NBPF15: variants seen among roughly 807,000 people sequenced by gnomAD.
NBPF15 encodes the protein NBPF member 15.
In NBPF15, 74 loss-of-function variants were observed where a neutral mutation model predicts 62.2. The observed-to-expected ratio is 1.19, with a 90% CI of 0.99 to 1.44. NBPF15 has a LOEUF of 1.44. NBPF15 is among the 40% of genes most tolerant of loss of function. The pLI, the probability that NBPF15 is intolerant of heterozygous loss-of-function variation, is 0.00. For missense variants in NBPF15, 790 were observed against 550.0 expected (o/e 1.44, Z -4.36); for synonymous variants, 244 against 209.7 (o/e 1.16, Z -1.41).
At chr1:144,424,416 T>A (rs1328669702) in intron 20 of NBPF15, among the ~76,000 whole-genome samples, 6 of 151,888 alleles carry the variant, frequency 4.0e-5, no homozygotes, top group Non-Finnish European at 8.8e-5. Flanking sequence ...CATAGTTCTC[T>A]GAATTTGTCA....
chr1:144,426,145 A>G, intron 18 of NBPF15, 133 bp downstream of exon 18: 2 of 655,674 alleles, frequency 3.1e-6, no homozygotes, highest in South Asian at 1.6e-5. Context: ...TTTCATTACA[A>G]CCTTTATGCG....
At chr1:144,458,928 C>T (rs1300321676) in intron 3 of NBPF15, among the ~76,000 whole-genome samples, 1 of 151,502 alleles carries the variant, frequency 6.6e-6, no homozygotes, top group Non-Finnish European at 1.5e-5. Flanking sequence ...ATAGTCGCAG[C>T]TACTCAGGAG....
intron 3 of NBPF15, among the ~76,000 whole-genome samples, chr1:144,458,512 C>A (rs1649892554): frequency 1.3e-5 from 2 of 150,472 alleles, no homozygotes; most frequent in East Asian, 3.9e-4. Flanking sequence ...CTGCTCTATG[C>A]ACTTATTTTT....
In NBPF15 at chr1:144,453,703, G is replaced by A. The variant is rs587716123; in HGVS notation, c.-431-2833C>T. ...ACCTCATTAATAAGATATACAGATG[G>A]CAAATAAGCATATGAGAAAGATGCT... is the stretch of plus-strand genomic sequence containing the variant. On this transcript the variant is annotated intron_variant, in intron 4 of 21. Transcript: ENST00000581897. Among the ~76,000 whole-genome samples the A allele has an allele frequency of 6.2e-3, 885 of 143,858 alleles. 9 individuals carry two copies. The highest frequency in any genetic ancestry group is 9.9e-3 in the Non-Finnish European group (655 of 66,084). The allele number at this position is 143,858 out of a possible 152,430, so 94.4% of individuals were successfully genotyped here. A position where few individuals can be genotyped will look rare whatever the true frequency, so the allele number is the denominator to read the frequency against.
At chr1:144,452,615 A>T (rs1204820878) in intron 4 of NBPF15, among the ~76,000 whole-genome samples, 1 of 150,948 alleles carries the variant, frequency 6.6e-6, no homozygotes, top group South Asian at 2.1e-4. Flanking sequence ...ATCAACTTAC[A>T]TCATTGAGTT....
In NBPF15 at chr1:144,423,028, G is replaced by A. The variant is rs374767169; in HGVS notation, c.1998C>T (p.Val666=). ...TAAGAGCTGCTTATTGTGGGAATAT[G>A]ACTCCCATCTGGAACACCAGGTGGA... ...TSLHLVFQMG[V]IFPQ is the part of the protein sequence containing the mutation. The change falls in exon 22 of 22, where the codon GTC becomes GTT. Residue 666 remains valine, a synonymous_variant. Coordinates refer to ENST00000581897, the MANE Select transcript of NBPF15 (RefSeq NM_001385408.1). 1 of 1,611,498 alleles carries A rather than the reference G, an allele frequency of 6.2e-7. No homozygotes were observed. The highest frequency in any genetic ancestry group is 1.3e-5 in the African/African-American group (1 of 74,786).
At chr1:144,457,354 C>T (rs1397167422) in intron 3 of NBPF15, among the ~76,000 whole-genome samples, 5 of 151,958 alleles carry the variant, frequency 3.3e-5, no homozygotes, top group Admixed American at 2.6e-4. Flanking sequence ...ATTCTACAGG[C>T]TGTCTCGCTG....
chr1:144,439,571 A>G lies in NBPF15; in HGVS notation c.175+258T>C, dbSNP rs1163540542. Reference sequence around the variant, plus strand: ...TTGAGCCTCTTGGAGAAAACAGGTCATTCTGTGCCTGTGTCAGAAATCAAT... The same window carrying G: ...TTGAGCCTCTTGGAGAAAACAGGTCGTTCTGTGCCTGTGTCAGAAATCAAT... On this transcript the variant is annotated intron_variant, in intron 8 of 21. Coordinates refer to ENST00000581897, the MANE Select transcript of NBPF15 (RefSeq NM_001385408.1). Among the ~76,000 whole-genome samples, 88 of 152,252 alleles carry G rather than the reference A, an allele frequency of 5.8e-4. 1 individual carries two copies. The highest frequency in any genetic ancestry group is 2.0e-3 in the African/African-American group (84 of 41,550).
intron 4 of NBPF15, among the ~76,000 whole-genome samples, chr1:144,454,395 T>C (rs1458308214): frequency 3.9e-5 from 4 of 102,452 alleles, no homozygotes; most frequent in Middle Eastern, 4.0e-3. Context: ...GATGTATCAA[T>C]AGTGGTTCAT....
rs587745565 is a variant in NBPF15 at position 144,451,049 on chromosome 1, G to A, written c.-431-179C>T. ...ATATGGAGGACCCATGCCAGCACTGGCCTCTGAGTTCCCTTAGTATTTATT... is the reference window on the plus strand; with the variant it reads ...ATATGGAGGACCCATGCCAGCACTGACCTCTGAGTTCCCTTAGTATTTATT... On this transcript the variant is annotated intron_variant, in intron 4 of 21. Coordinates refer to ENST00000581897, the MANE Select transcript of NBPF15 (RefSeq NM_001385408.1). Among the ~76,000 whole-genome samples, 31 of 152,160 alleles carry A rather than the reference G, an allele frequency of 2.0e-4. 1 individual carries two copies. The Middle Eastern group carries it at 0.01, about 50-fold the overall frequency.
intron 4 of NBPF15, among the ~76,000 whole-genome samples, chr1:144,451,587 T>C (rs1317870572): frequency 1.3e-5 from 2 of 151,932 alleles, no homozygotes; most frequent in Non-Finnish European, 2.9e-5. Flanking sequence ...GTAGTGTGTC[T>C]CTGGGCACTT....
At chr1:144,445,853 CTT>C (rs1229682742) in intron 6 of NBPF15, among the ~76,000 whole-genome samples, 1,835 of 105,054 alleles carry the variant, frequency 0.017, 20 homozygotes, top group South Asian at 0.063. Flanking sequence ...GTTGACTTTC[CTT>C]TTTTTTTTTT....
intron 6 of NBPF15, among the ~76,000 whole-genome samples, chr1:144,441,455 T>G (rs1490449198): frequency 6.6e-6 from 1 of 150,654 alleles, no homozygotes; most frequent in African/African-American, 2.5e-5. Context: ...ATTTTTATAT[T>G]CATTGATATA....
Position 144,423,071 on chromosome 1 carries a change from G to T in NBPF15, c.1955C>A (p.Thr652Asn), listed in dbSNP as rs1666812967. 6.2e-7 allele frequency: 1 copy of T among 1,611,602 alleles called. No homozygotes were observed. Among genetic ancestry groups the T allele is most frequent in the East Asian group, 2.2e-5 (1 of 44,868 alleles). The change falls in exon 22 of 22, where the codon ACT becomes AAT. Residue 652 changes from threonine (T) to asparagine (N), a missense_variant. Transcript: ENST00000581897. The stretch of plus-strand genomic sequence containing the variant: ...CAGGTGGAGACTTGTCACCGTCAAA[G>T]TAAAAAACCTATTGTCCACGTAAAG... Reference protein sequence around the residue: ...FALYVDNRFFTLTVTSLHLVF... With the variant: ...FALYVDNRFFNLTVTSLHLVF...
chr1:144,436,605 A>C (rs1206290937), intron 10 of NBPF15, among the ~76,000 whole-genome samples: 7 of 152,018 alleles, frequency 4.6e-5, no homozygotes, highest in African/African-American at 1.7e-4. Flanking sequence ...CACTCTAACA[A>C]GCCTGCTCCC....
At chr1:144,431,956 T>C (rs1384731565) in intron 13 of NBPF15, among the ~76,000 whole-genome samples, 1 of 150,584 alleles carries the variant, frequency 6.6e-6, no homozygotes, top group Admixed American at 6.6e-5. Context: ...TAAACATATG[T>C]GTGCATGTGT....
Position 144,439,942 on chromosome 1 carries a change from T to G in NBPF15, c.62A>C (p.Asn21Thr), listed in dbSNP as rs1272951499. 5.8e-5 allele frequency: 93 copies of G among 1,611,188 alleles called. No homozygotes were observed. In the East Asian group the frequency reaches 1.6e-3, roughly 28 times the overall value. ...EKAEMNILEI[N>T]EKLRPQLAEK... The stretch of plus-strand genomic sequence containing the variant: ...TGCCAACTGGGGGCGCAATTTCTCA[T>G]TGATTTCTAGAATGTTCATCTCTGC... The change falls in exon 8 of 22, where the codon AAT becomes ACT. Residue 21 changes from asparagine to threonine, a missense_variant. Coordinates refer to ENST00000581897, the MANE Select transcript of NBPF15 (RefSeq NM_001385408.1).
intron 13 of NBPF15, among the ~76,000 whole-genome samples, chr1:144,431,588 C>A (rs1571119875): frequency 7.0e-6 from 1 of 142,124 alleles, no homozygotes; most frequent in East Asian, 2.0e-4. Flanking sequence ...GTGTGCTTCA[C>A]CCATTAACTC....
chr1:144,442,593 G>C (rs1294147614), intron 6 of NBPF15: 1 of 152,892 alleles, frequency 6.5e-6, no homozygotes, highest in African/African-American at 2.4e-5. Flanking sequence ...GCAACGGCCA[G>C]GTGGACACCT....
Sources: allele counts gnomAD v4.1 joint callset (sites outside exome capture counted in the v4.1 genomes callset), GRCh38; gene constraint gnomAD v4.1.1; transcripts MANE v1.5; gene names NCBI Gene and HGNC (gene_info 2026-07-23, HGNC 2026-07-21).